Variants in GRIK4 observed in about 807,000 individuals in gnomAD.
GRIK4 encodes glutamate receptor ionotropic, kainate 4.
A neutral mutation model predicts 104.9 loss-of-function variants in GRIK4; 40 were observed. The observed-to-expected ratio is 0.38, with a 90% CI of 0.30 to 0.50. The LOEUF (loss-of-function observed/expected upper bound fraction) is 0.50, where lower values mean the gene tolerates loss of function less well. Ranked by LOEUF, GRIK4 falls within the 20% of genes least tolerant of loss-of-function variation. The pLI is 0.93. For missense variants in GRIK4, 1,047 were observed against 1,308.1 expected, an observed-to-expected ratio of 0.80 and a Z score of 3.08; for synonymous variants, 485 against 524.9, an observed-to-expected ratio of 0.92 and a Z score of 1.04.
intron 9 of GRIK4, among the ~76,000 whole-genome samples, chr11:120,862,604 G>C (rs1358353989): frequency 1.3e-5 from 2 of 152,124 alleles, no homozygotes; most frequent in Non-Finnish European, 2.9e-5. Context: ...CTGGTCTGGT[G>C]CTCTGTCCAC....
intron 8 of GRIK4, among the ~76,000 whole-genome samples, chr11:120,854,280 G>C (rs953564342): frequency 2.9e-4 from 44 of 152,320 alleles, no homozygotes; most frequent in African/African-American, 9.9e-4. Flanking sequence ...GGTGAAAGCA[G>C]GCAAGAAATG....
intron 3 of GRIK4, among the ~76,000 whole-genome samples, chr11:120,718,621 C>T (rs1480732971): frequency 1.3e-5 from 2 of 152,256 alleles, no homozygotes; most frequent in African/African-American, 2.4e-5. Context: ...GAGAATCCAA[C>T]ATGTATTGAG....
intron 13 of GRIK4, among the ~76,000 whole-genome samples, chr11:120,938,286 T>C (rs1943641970): frequency 6.6e-6 from 1 of 152,200 alleles, no homozygotes; most frequent in African/African-American, 2.4e-5. Context: ...CAAACCTAAC[T>C]TTGAATGCAA....
At chr11:120,781,240 C>A (rs1297487681) in intron 3 of GRIK4, among the ~76,000 whole-genome samples, 2 of 151,574 alleles carry the variant, frequency 1.3e-5, no homozygotes, top group Non-Finnish European at 2.9e-5. Flanking sequence ...AAAGAAGACA[C>A]AGTATTAGTC....
At chr11:120,825,479 C>A (rs2135553097) in intron 6 of GRIK4, among the ~76,000 whole-genome samples, 1 of 152,340 alleles carries the variant, frequency 6.6e-6, no homozygotes, top group South Asian at 2.1e-4. Flanking sequence ...TCCTCCCTTA[C>A]TCTGATCTCT....
chr11:120,811,427 G>A (rs902314827), intron 4 of GRIK4, among the ~76,000 whole-genome samples: 5 of 152,156 alleles, frequency 3.3e-5, no homozygotes, highest in African/African-American at 1.2e-4. Context: ...GAAATGGGTG[G>A]AGCTGTTGAA....
chr11:120,621,702 G>A (rs771336769), intron 1 of GRIK4, among the ~76,000 whole-genome samples: 1 of 152,136 alleles, frequency 6.6e-6, no homozygotes, highest in Non-Finnish European at 1.5e-5. Context: ...CCAAGTCACA[G>A]TTCTTTGGGC....
chr11:120,973,760 C>T (rs905675739), intron 19 of GRIK4, among the ~76,000 whole-genome samples: 3 of 152,258 alleles, frequency 2.0e-5, no homozygotes, highest in African/African-American at 7.2e-5. Flanking sequence ...CTCTTCCAAG[C>T]CAAGTAAGAA....
chr11:120,864,203 ATT>A (rs1175787044), intron 9 of GRIK4, among the ~76,000 whole-genome samples: 3 of 139,486 alleles, frequency 2.2e-5, no homozygotes, highest in Non-Finnish European at 3.1e-5. Flanking sequence ...CAGTATTTTT[ATT>A]TTTATTTATT....
intron 1 of GRIK4, among the ~76,000 whole-genome samples, chr11:120,529,336 C>T (rs1169239498): frequency 1.3e-5 from 2 of 152,282 alleles, no homozygotes; most frequent in African/African-American, 2.4e-5. Flanking sequence ...AGAAGCAAAG[C>T]GATCGAGCAC....
intron 19 of GRIK4, among the ~76,000 whole-genome samples, chr11:120,978,751 A>G (rs1944603572): frequency 1.3e-5 from 2 of 152,332 alleles, no homozygotes; most frequent in East Asian, 1.9e-4. Context: ...TAGCCAAGAC[A>G]TGGAGGAGAG....
intron 1 of GRIK4, among the ~76,000 whole-genome samples, chr11:120,602,341 A>T (rs2062526510): frequency 6.6e-6 from 1 of 152,166 alleles, no homozygotes; most frequent in Non-Finnish European, 1.5e-5. Context: ...CCCTATAGGA[A>T]TTGATTACCA....
chr11:120,603,015 A>T (rs1392493975), intron 1 of GRIK4, among the ~76,000 whole-genome samples: 1 of 152,184 alleles, frequency 6.6e-6, no homozygotes, highest in East Asian at 1.9e-4. Flanking sequence ...TGTCTTATTA[A>T]TATTAGAGTG....
At chr11:120,738,132 C>G (rs112321728) in intron 3 of GRIK4, among the ~76,000 whole-genome samples, 1 of 152,196 alleles carries the variant, frequency 6.6e-6, no homozygotes, top group South Asian at 2.1e-4. Context: ...AAAGTGGTAG[C>G]TATAAAGGAA....
chr11:120,727,550 G>C (rs1951052904), intron 3 of GRIK4, among the ~76,000 whole-genome samples: 1 of 152,146 alleles, frequency 6.6e-6, no homozygotes, highest in African/African-American at 2.4e-5. Flanking sequence ...CTGTAAGAAA[G>C]AGAGAATGAG....
intron 3 of GRIK4, among the ~76,000 whole-genome samples, chr11:120,677,436 A>AGG (rs570102780): frequency 2.9e-5 from 4 of 136,246 alleles, no homozygotes; most frequent in Admixed American, 7.6e-5. Flanking sequence ...AATGTGATGT[A>AGG]GGAGAGTACT....
chr11:120,517,591 C>T lies in GRIK4; in HGVS notation c.-159+5704C>T, dbSNP rs999464093. Among the ~76,000 whole-genome samples the T allele has an allele frequency of 1.6e-4, 21 of 128,054 alleles. 1 individual carries two copies. Among genetic ancestry groups the T allele is most frequent in the East Asian group, 1.1e-3 (5 of 4,434 alleles). The allele number at this position is 128,054 out of a possible 152,430, so 84.0% of individuals were successfully genotyped here. A position where few individuals can be genotyped will look rare whatever the true frequency, so the allele number is the denominator to read the frequency against. The stretch of plus-strand genomic sequence containing the variant: ...CGCTGCGGGGTGTTGGGAGAGAGGA[C>T]GCAGATGCCTGAGTGCTGAGTCACA... On this transcript the variant is annotated intron_variant, in intron 1 of 20. Coordinates refer to ENST00000527524, the MANE Select transcript of GRIK4 (RefSeq NM_014619.5).
intron 6 of GRIK4, among the ~76,000 whole-genome samples, chr11:120,831,371 C>G (rs1953423862): frequency 6.6e-6 from 1 of 152,204 alleles, no homozygotes; most frequent in South Asian, 2.1e-4. Flanking sequence ...TAATCCTTGC[C>G]TTGGACCTGA....
At chr11:120,656,094 G>T (rs904099214) in intron 2 of GRIK4, among the ~76,000 whole-genome samples, 2 of 152,046 alleles carry the variant, frequency 1.3e-5, no homozygotes, top group African/African-American at 4.8e-5. Flanking sequence ...TTCTTTTTTC[G>T]CCCCTGAATT....
Sources: allele counts gnomAD v4.1 joint callset (sites outside exome capture counted in the v4.1 genomes callset), GRCh38; gene constraint gnomAD v4.1.1; transcripts MANE v1.5; gene names NCBI Gene and HGNC (gene_info 2026-07-23, HGNC 2026-07-21).